FAM227B: variants seen among roughly 807,000 people sequenced by gnomAD.
The protein encoded by FAM227B is protein FAM227B.
Under a neutral mutation model 73.8 loss-of-function variants are expected in FAM227B, and 88 were observed. The ratio of observed to expected loss-of-function variants is 1.19; its 90% confidence interval spans 1.00 to 1.42. FAM227B has a LOEUF of 1.42. FAM227B is among the 40% of genes most tolerant of loss of function. The probability of loss-of-function intolerance (pLI) is 0.00; values close to 1 mark genes in which losing one functional copy is unlikely to be tolerated. For synonymous variants in FAM227B, 210 were observed against 190.5 expected (o/e 1.10, Z -0.84); for missense variants, 632 against 590.9 (o/e 1.07, Z -0.72).
At chr15:49,356,119 C>A (rs36188688) in intron 13 of FAM227B, among the ~76,000 whole-genome samples, 62,855 of 151,734 alleles carry the variant, frequency 0.41, 13,169 homozygotes, top group African/African-American at 0.43. Context: ...ACAACCGGTA[C>A]CAGCCGCTGT....
At chr15:49,562,921 C>T (rs1426869533) in intron 9 of FAM227B, among the ~76,000 whole-genome samples, 1 of 152,022 alleles carries the variant, frequency 6.6e-6, no homozygotes, top group African/African-American at 2.4e-5. Context: ...TGGGAGCATT[C>T]CCCATAAGAA....
In FAM227B at chr15:49,328,405, C is replaced by CT; in HGVS notation, c.*162dup. On this transcript the variant is annotated 3_prime_UTR_variant, in exon 16 of 16. Transcript: ENST00000299338. ...GCTTGGACAGATCTTTTAAGAATAA[C>CT]TTACTGAGATTTATTGATTTGAAGA... 1.4e-6 allele frequency: 2 copies of CT among 1,430,016 alleles called. No homozygotes were observed. Among genetic ancestry groups the CT allele is most frequent in the Non-Finnish European group, 1.8e-6 (2 of 1,094,844 alleles). 88.6% of individuals were successfully genotyped at this position (1,430,016 alleles called of 1,614,324 possible).
intron 11 of FAM227B, chr15:49,396,140 C>G (rs1220304779): frequency 2.4e-5 from 9 of 368,242 alleles, no homozygotes; most frequent in Non-Finnish European, 4.3e-5. Context: ...TGGGTGTGCT[C>G]ACCGTGTGCG....
rs545249748 is a variant in FAM227B, at chr15:49,505,876, C to T, written c.1012+2335G>A. On this transcript the variant is annotated intron_variant, in intron 11 of 15. Transcript: ENST00000299338. ...TCATCCTGAATAAAAAAACAAGACT[C>T]AACTACAGATTGTTTACAAAAAGTA... Among the ~76,000 whole-genome samples, 3 of 151,826 alleles carry T rather than the reference C, an allele frequency of 2.0e-5. No individual in the cohort carries two copies. The East Asian group carries it at 5.8e-4, about 29-fold the overall frequency.
chr15:49,363,300 G>T (rs2044569617), intron 13 of FAM227B, among the ~76,000 whole-genome samples: 1 of 152,000 alleles, frequency 6.6e-6, no homozygotes, highest in African/African-American at 2.4e-5. Context: ...TGATTTCTTT[G>T]AGCAATGTTT....
intron 10 of FAM227B, among the ~76,000 whole-genome samples, chr15:49,525,770 A>G (rs2060153719): frequency 7.5e-6 from 1 of 132,710 alleles, no homozygotes; most frequent in African/African-American, 3.1e-5. Context: ...CATCAAATAA[A>G]GCAGACTTTA....
chr15:49,571,971 A>C (rs1053241370), intron 8 of FAM227B, among the ~76,000 whole-genome samples: 2 of 151,978 alleles, frequency 1.3e-5, no homozygotes, highest in Non-Finnish European at 2.9e-5. Flanking sequence ...TAATTCTTTC[A>C]ATCTATAAAC....
Position 49,335,503 on chromosome 15 carries a change from G to A in FAM227B, c.1272-7C>T. 6 of 1,607,076 alleles carry A rather than the reference G, an allele frequency of 3.7e-6. No homozygotes were observed. The highest frequency in any genetic ancestry group is 5.1e-6 in the Non-Finnish European group (6 of 1,174,112). On this transcript the variant is annotated splice_region_variant and splice_polypyrimidine_tract_variant and intron_variant, in intron 13 of 15. Transcript: ENST00000299338. ...GTATGTTGGAGCAGGTAGTGTGCTAGGCTTATTATTAAGGAATGATTTTCA... is the reference window on the plus strand; with the variant it reads ...GTATGTTGGAGCAGGTAGTGTGCTAAGCTTATTATTAAGGAATGATTTTCA...
At chr15:49,370,617 T>G (rs946249110) in intron 12 of FAM227B, among the ~76,000 whole-genome samples, 1 of 152,222 alleles carries the variant, frequency 6.6e-6, no homozygotes, top group Non-Finnish European at 1.5e-5. Flanking sequence ...GGTTTTTATA[T>G]AGGCATAATT....
chr15:49,372,216 AC>A (rs1256414352), intron 11 of FAM227B, among the ~76,000 whole-genome samples: 30 of 149,946 alleles, frequency 2.0e-4, no homozygotes, highest in African/African-American at 6.8e-4. Flanking sequence ...AATAAAATTC[AC>A]TTATAAATAA....
chr15:49,457,659 T>C (rs1306013232), intron 11 of FAM227B, among the ~76,000 whole-genome samples: 4 of 152,108 alleles, frequency 2.6e-5, no homozygotes, highest in African/African-American at 9.6e-5. Context: ...AGCAGAATCT[T>C]TGAAGTGGTC....
intron 11 of FAM227B, among the ~76,000 whole-genome samples, chr15:49,491,377 A>G (rs2057077901): frequency 6.6e-6 from 1 of 151,898 alleles, no homozygotes; most frequent in Non-Finnish European, 1.5e-5. Context: ...TAAATCTCTT[A>G]AACTAGCACC....
intron 11 of FAM227B, among the ~76,000 whole-genome samples, chr15:49,444,340 A>T (rs1035084587): frequency 1.3e-5 from 2 of 151,746 alleles, no homozygotes; most frequent in African/African-American, 2.4e-5. Context: ...CTATGAAAAG[A>T]TTTGAAAATG....
At chr15:49,357,491 T>C (rs564766512) in intron 13 of FAM227B, among the ~76,000 whole-genome samples, 9 of 152,064 alleles carry the variant, frequency 5.9e-5, no homozygotes, top group African/African-American at 2.2e-4. Context: ...CTAGAAGAAA[T>C]AATGGATAAA....
chr15:49,493,246 A>T (rs148377421), intron 11 of FAM227B, among the ~76,000 whole-genome samples: 1 of 151,950 alleles, frequency 6.6e-6, no homozygotes, highest in African/African-American at 2.4e-5. Flanking sequence ...AACTATGTCA[A>T]TTACCAATTG....
chr15:49,533,561 G>C (rs953162516), intron 10 of FAM227B, among the ~76,000 whole-genome samples: 2 of 151,742 alleles, frequency 1.3e-5, no homozygotes, highest in Admixed American at 6.6e-5. Flanking sequence ...CCAACATCTA[G>C]TGCATATATA....
intron 10 of FAM227B, among the ~76,000 whole-genome samples, chr15:49,537,051 G>A (rs1027063808): frequency 6.6e-6 from 1 of 152,156 alleles, no homozygotes; most frequent in South Asian, 2.1e-4. Flanking sequence ...GGCTACAATA[G>A]CAAAAATAAG....
intron 13 of FAM227B, chr15:49,366,657 C>T: frequency 6.5e-7 from 1 of 1,549,802 alleles, no homozygotes. Flanking sequence ...GCGGCCGTGG[C>T]AGGGGACAGC....
At chr15:49,522,324 A>G (rs1213987721) in intron 10 of FAM227B, among the ~76,000 whole-genome samples, 1 of 152,192 alleles carries the variant, frequency 6.6e-6, no homozygotes, top group African/African-American at 2.4e-5. Context: ...GCAAATTTAA[A>G]AATAAGAAGT....
Sources: allele counts gnomAD v4.1 joint callset (sites outside exome capture counted in the v4.1 genomes callset), GRCh38; gene constraint gnomAD v4.1.1; transcripts MANE v1.5; gene names NCBI Gene and HGNC (gene_info 2026-07-23, HGNC 2026-07-21).